SNX29: variants seen among roughly 807,000 people sequenced by gnomAD.
SNX29 encodes sorting nexin-29.
Under a neutral mutation model 102.1 loss-of-function variants are expected in SNX29, and 78 were observed. The observed-to-expected ratio is 0.76, with a 90% confidence interval of 0.64 to 0.92. The LOEUF (loss-of-function observed/expected upper bound fraction) is 0.92. Ranked by LOEUF, SNX29 falls within the 40% of genes least tolerant of loss-of-function variation. The pLI is 0.00. For missense variants in SNX29, 1,280 were observed against 1,061.7 expected, an observed-to-expected ratio of 1.21 and a Z score of -2.86; for synonymous variants, 580 against 414.5, an observed-to-expected ratio of 1.40 and a Z score of -4.85.
chr16:12,055,736 C>T (rs1433318863), intron 8 of SNX29, among the ~76,000 whole-genome samples: 1 of 152,176 alleles, frequency 6.6e-6, no homozygotes, highest in African/African-American at 2.4e-5. Context: ...AGCCCACCCA[C>T]ATTATGCAGC....
At chr16:12,514,226 A>G (rs2089761475) in intron 19 of SNX29, among the ~76,000 whole-genome samples, 1 of 152,186 alleles carries the variant, frequency 6.6e-6, no homozygotes, top group Non-Finnish European at 1.5e-5. Context: ...CATAGAAGGA[A>G]TAGCTGATTC....
chr16:12,105,693 G>T (rs1052485927), intron 11 of SNX29, among the ~76,000 whole-genome samples: 6 of 152,184 alleles, frequency 3.9e-5, no homozygotes, highest in Non-Finnish European at 8.8e-5. Context: ...AGACAATGCT[G>T]TGTTTCCAGG....
chr16:12,311,767 T>C (rs1368071030), intron 15 of SNX29, among the ~76,000 whole-genome samples: 3 of 152,250 alleles, frequency 2.0e-5, no homozygotes, highest in African/African-American at 7.2e-5. Context: ...TCTCTGTACA[T>C]CTCTGCTGTA....
At chr16:12,430,143 A>C in intron 18 of SNX29, among the ~76,000 whole-genome samples, 1 of 152,172 alleles carries the variant, frequency 6.6e-6, no homozygotes, top group Non-Finnish European at 1.5e-5. Context: ...TCCTTATGAG[A>C]ATCTAATGCC....
intron 19 of SNX29, among the ~76,000 whole-genome samples, chr16:12,490,551 G>A (rs1358631684): frequency 1.3e-5 from 2 of 152,226 alleles, no homozygotes; most frequent in Non-Finnish European, 2.9e-5. Flanking sequence ...CCTGGTTTCT[G>A]TGGGATGAAA....
intron 8 of SNX29, among the ~76,000 whole-genome samples, chr16:12,054,112 C>T (rs770451277): frequency 5.9e-5 from 9 of 151,966 alleles, no homozygotes; most frequent in Admixed American, 1.3e-4. Context: ...GGACTGCAAG[C>T]GTCCGCCACC....
chr16:12,126,117 C>G (rs2054204581), intron 11 of SNX29, among the ~76,000 whole-genome samples: 2 of 152,130 alleles, frequency 1.3e-5, no homozygotes, highest in African/African-American at 4.8e-5. Flanking sequence ...CAGTAAATCC[C>G]CTAACTCTTG....
At chr16:12,114,001 T>C (rs193141768) in intron 11 of SNX29, among the ~76,000 whole-genome samples, 134 of 152,314 alleles carry the variant, frequency 8.8e-4, no homozygotes, top group Non-Finnish European at 1.4e-3. Context: ...GCCATGCCAG[T>C]TAGAGGCTGG....
intron 13 of SNX29, among the ~76,000 whole-genome samples, chr16:12,182,933 C>CA (rs575698544): frequency 0.2 from 8,392 of 41,858 alleles, 711 homozygotes; most frequent in South Asian, 0.24. Flanking sequence ...GACTCTGTCT[C>CA]AAAAAAAAAA....
chr16:12,344,968 A>G (rs1282666541), intron 15 of SNX29, among the ~76,000 whole-genome samples: 2 of 152,262 alleles, frequency 1.3e-5, no homozygotes, highest in African/African-American at 4.8e-5. Context: ...TTGTGATGGA[A>G]CTATAATTAC....
At chr16:12,020,027 A>T (rs2151090127) in intron 3 of SNX29, among the ~76,000 whole-genome samples, 1 of 152,236 alleles carries the variant, frequency 6.6e-6, no homozygotes, top group East Asian at 1.9e-4. Flanking sequence ...AAAGATATTG[A>T]CTTATCAGTA....
chr16:12,393,012 G>A lies in SNX29; in HGVS notation c.1900-5434G>A, dbSNP rs184167795. Among the ~76,000 whole-genome samples the A allele has an allele frequency of 1.4e-4, 21 of 152,346 alleles. 1 individual carries two copies. In the East Asian group the frequency reaches 3.9e-3, roughly 28 times the overall value. Reference sequence around the variant, plus strand: ...CCTTATTAAAAGATGAGATGAGAAAGCAAGCGCATTGGTGGGATGGAAAAC... The same window carrying A: ...CCTTATTAAAAGATGAGATGAGAAAACAAGCGCATTGGTGGGATGGAAAAC... On this transcript the variant is annotated intron_variant, in intron 16 of 20. Coordinates refer to ENST00000566228, the MANE Select transcript of SNX29 (RefSeq NM_032167.5).
intron 15 of SNX29, among the ~76,000 whole-genome samples, chr16:12,348,844 C>T (rs1193302740): frequency 6.6e-6 from 1 of 152,200 alleles, no homozygotes; most frequent in South Asian, 2.1e-4. Flanking sequence ...CACCACTCAC[C>T]TCCCAGGGGA....
In SNX29 at chr16:12,571,120, T is replaced by C. The variant is rs935815769; in HGVS notation, c.*2491T>C. 3.0e-5 allele frequency: 7 copies of C among 232,498 alleles called. No homozygotes were observed. Among genetic ancestry groups the C allele is most frequent in the South Asian group, 3.6e-4 (2 of 5,532 alleles). The allele number at this position is 232,498 out of a possible 1,614,324, so 14.4% of individuals were successfully genotyped here. ...CTTCCCTTTGGAATCCCATAGAATGTTCTGCAATGATTGGGTCCATCTTGC... is the reference window on the plus strand; with the variant it reads ...CTTCCCTTTGGAATCCCATAGAATGCTCTGCAATGATTGGGTCCATCTTGC... On this transcript the variant is annotated 3_prime_UTR_variant, in exon 21 of 21. Transcript: ENST00000566228.
intron 11 of SNX29, among the ~76,000 whole-genome samples, chr16:12,110,296 C>A (rs1259199429): frequency 6.6e-6 from 1 of 152,140 alleles, no homozygotes; most frequent in Non-Finnish European, 1.5e-5. Flanking sequence ...GGCAGCCCTT[C>A]CTCCCATGTG....
chr16:12,508,916 T>C (rs1162810793), intron 19 of SNX29, among the ~76,000 whole-genome samples: 1 of 152,228 alleles, frequency 6.6e-6, no homozygotes, highest in Non-Finnish European at 1.5e-5. Context: ...TGTGGGGTCC[T>C]GGCCATAATA....
chr16:12,327,336 A>T lies in SNX29; in HGVS notation c.1783-28827A>T, dbSNP rs370089560. Among the ~76,000 whole-genome samples the T allele has an allele frequency of 2.6e-5, 4 of 152,146 alleles. No homozygotes were observed. In the East Asian group the frequency reaches 7.7e-4, roughly 29 times the overall value. On this transcript the variant is annotated intron_variant, in intron 15 of 20. Coordinates refer to ENST00000566228, the MANE Select transcript of SNX29 (RefSeq NM_032167.5). ...AGATTGGATGGTGTATTAATTAGCT[A>T]GAGCTGCCCTAACAGAGTACCATGG...
intron 18 of SNX29, among the ~76,000 whole-genome samples, chr16:12,473,886 A>G (rs1453863070): frequency 3.9e-5 from 6 of 152,324 alleles, no homozygotes; most frequent in Non-Finnish European, 5.9e-5. Context: ...CTTGTTTAGC[A>G]TATAGTCAGG....
intron 3 of SNX29, among the ~76,000 whole-genome samples, chr16:12,017,005 C>T (rs974436827): frequency 1.3e-5 from 2 of 151,888 alleles, no homozygotes; most frequent in Non-Finnish European, 2.9e-5. Context: ...GTGGTAGCGC[C>T]TGTGGTCTCA....
Sources: gnomAD v4.1 joint callset for allele counts (sites outside exome capture counted in the v4.1 genomes callset) on GRCh38, gnomAD v4.1.1 for gene constraint, MANE v1.5 for transcripts, NCBI Gene and HGNC (gene_info 2026-07-23, HGNC 2026-07-21) for gene names.